The following GADL1 variants were observed in gnomAD, a reference collection of about 807,000 sequenced individuals.
GADL1 encodes the protein GAD like acidic amino acid decarboxylase 1.
Under a neutral mutation model 69.5 loss-of-function variants are expected in GADL1, and 71 were observed. The observed-to-expected ratio is 1.02, with a 90% CI of 0.84 to 1.25. The LOEUF (loss-of-function observed/expected upper bound fraction) is 1.25. GADL1 is among the 50% of genes most tolerant of loss of function. The pLI is 0.00. For synonymous variants in GADL1, 254 were observed against 214.4 expected (o/e 1.18, Z -1.62); for missense variants, 737 against 631.8 (o/e 1.17, Z -1.79).
intron 11 of GADL1, among the ~76,000 whole-genome samples, chr3:30,802,835 C>T (rs1285239155): frequency 4.6e-5 from 7 of 152,326 alleles, no homozygotes; most frequent in African/African-American, 1.7e-4. Context: ...CACTGTGGCT[C>T]ACACCTGTAA....
At chr3:30,733,886 C>G (rs2125469728) in intron 14 of GADL1, among the ~76,000 whole-genome samples, 2 of 152,178 alleles carry the variant, frequency 1.3e-5, no homozygotes, top group African/African-American at 4.8e-5. Context: ...ATGGGCTTTC[C>G]CCGTGCCTCC....
At chr3:30,894,404 A>G (rs1312622298) in intron 1 of GADL1, among the ~76,000 whole-genome samples, 174 bp downstream of exon 1, 2 of 152,228 alleles carry the variant, frequency 1.3e-5, no homozygotes, top group African/African-American at 4.8e-5. Flanking sequence ...CTAAATAATA[A>G]CCTTTTAGGT....
At chr3:30,825,695 T>G (rs1000617428) in intron 11 of GADL1, among the ~76,000 whole-genome samples, 1 of 151,418 alleles carries the variant, frequency 6.6e-6, no homozygotes, top group African/African-American at 2.4e-5. Context: ...CTGCAGGTTC[T>G]CACTAATAAG....
chr3:30,850,746 G>A (rs540406117), intron 5 of GADL1, 89 bp downstream of exon 5: 51 of 706,012 alleles, frequency 7.2e-5, no homozygotes, highest in African/African-American at 2.0e-4. Context: ...ACTTTTTGTC[G>A]TGTATAAATC....
At chr3:30,869,851 C>A (rs1014855455) in intron 1 of GADL1, among the ~76,000 whole-genome samples, 2 of 151,604 alleles carry the variant, frequency 1.3e-5, no homozygotes, top group African/African-American at 4.9e-5. Flanking sequence ...GATGGTGACC[C>A]CAAAATCCAA....
chr3:30,729,786 A>C (rs1289463683), intron 14 of GADL1, among the ~76,000 whole-genome samples: 1 of 152,218 alleles, frequency 6.6e-6, no homozygotes, highest in Non-Finnish European at 1.5e-5. Flanking sequence ...TTAACTCAAC[A>C]CTTTTTTTTC....
At chr3:30,812,573 G>T (rs1391494897) in intron 11 of GADL1, among the ~76,000 whole-genome samples, 1 of 152,100 alleles carries the variant, frequency 6.6e-6, no homozygotes, top group Non-Finnish European at 1.5e-5. Flanking sequence ...TTCCCACTGG[G>T]TCCTCCCACA....
chr3:30,875,213 GAAA>G (rs796713938), intron 1 of GADL1, among the ~76,000 whole-genome samples: 1 of 108,110 alleles, frequency 9.2e-6, no homozygotes, highest in Non-Finnish European at 2.0e-5. Context: ...AGGATATAGA[GAAA>G]AAAAAAAAAA....
At chr3:30,849,938 GC>G in intron 6 of GADL1, 57 bp downstream of exon 6, 1 of 981,372 alleles carries the variant, frequency 1.0e-6, no homozygotes, top group Non-Finnish European at 1.6e-6. Flanking sequence ...TTCAAACAAA[GC>G]CCTCTTAAAT....
At chr3:30,779,419 A>AGG (rs1696609811) in intron 13 of GADL1, among the ~76,000 whole-genome samples, 1 of 152,256 alleles carries the variant, frequency 6.6e-6, no homozygotes, top group Non-Finnish European at 1.5e-5. Flanking sequence ...TTTCATCAAG[A>AGG]GGAAAGACCC....
At chr3:30,748,661 G>A (rs1046760323) in intron 14 of GADL1, among the ~76,000 whole-genome samples, 5 of 152,138 alleles carry the variant, frequency 3.3e-5, no homozygotes, top group Admixed American at 2.0e-4. Flanking sequence ...AGCTTTTATC[G>A]TCAGAAAATC....
At chr3:30,881,800 A>AG (rs1698646120) in intron 1 of GADL1, among the ~76,000 whole-genome samples, 1 of 151,992 alleles carries the variant, frequency 6.6e-6, no homozygotes, top group African/African-American at 2.4e-5. Context: ...CAGCATTAAA[A>AG]GGTGGTACCT....
intron 14 of GADL1, among the ~76,000 whole-genome samples, chr3:30,755,751 G>T (rs1177182255): frequency 1.3e-5 from 2 of 152,126 alleles, no homozygotes. Flanking sequence ...TTAAACGAAT[G>T]AATGAAACAA....
At chr3:30,828,077 CT>C (rs1697713560) in intron 11 of GADL1, among the ~76,000 whole-genome samples, 1 of 151,840 alleles carries the variant, frequency 6.6e-6, no homozygotes, top group Non-Finnish European at 1.5e-5. Flanking sequence ...TTCAAACCAT[CT>C]AATGGCATTT....
intron 1 of GADL1, among the ~76,000 whole-genome samples, chr3:30,882,928 G>T (rs1325274040): frequency 6.6e-6 from 1 of 151,816 alleles, no homozygotes; most frequent in African/African-American, 2.4e-5. Context: ...GTGATAGTGA[G>T]CATCTTTGCG....
chr3:30,783,279 G>A (rs557212671), intron 13 of GADL1, among the ~76,000 whole-genome samples: 64 of 152,270 alleles, frequency 4.2e-4, no homozygotes, highest in African/African-American at 1.5e-3. Context: ...AATTGACAGT[G>A]TAAGAATGAA....
chr3:30,817,648 G>A (rs1471944058), intron 11 of GADL1, among the ~76,000 whole-genome samples: 2 of 152,044 alleles, frequency 1.3e-5, no homozygotes, highest in African/African-American at 4.8e-5. Context: ...GTATTTCATT[G>A]CATTTCACTA....
At chr3:30,849,030 C>A (rs561328388) in intron 6 of GADL1, among the ~76,000 whole-genome samples, 1 of 152,066 alleles carries the variant, frequency 6.6e-6, no homozygotes, top group African/African-American at 2.4e-5. Context: ...TAACAATGGC[C>A]AGTTCTGAGG....
intron 8 of GADL1, among the ~76,000 whole-genome samples, chr3:30,841,288 G>A (rs1662782874): frequency 6.6e-6 from 1 of 152,114 alleles, no homozygotes; most frequent in Non-Finnish European, 1.5e-5. Context: ...TAACCCCATT[G>A]CCCTACTTTT....
Sources: allele counts gnomAD v4.1 joint callset (sites outside exome capture counted in the v4.1 genomes callset), GRCh38; gene constraint gnomAD v4.1.1; transcripts MANE v1.5; gene names NCBI Gene and HGNC (gene_info 2026-07-23, HGNC 2026-07-21).